The following NKAIN2 variants were observed in gnomAD, a reference collection of about 807,000 sequenced individuals.
NKAIN2 encodes the protein sodium/potassium-transporting ATPase subunit beta-1-interacting protein 2.
In NKAIN2, 14 loss-of-function variants were observed where a neutral mutation model predicts 32.6. That is an observed-to-expected ratio of 0.43 (90% CI 0.28 to 0.67). The LOEUF is 0.67. Ranked by LOEUF, NKAIN2 falls within the 30% of genes least tolerant of loss-of-function variation. NKAIN2 has a pLI of 0.17. For missense variants in NKAIN2, 198 were observed against 258.3 expected (o/e 0.77, Z 1.60); for synonymous variants, 80 against 87.2 (o/e 0.92, Z 0.46).
chr6:124,727,455 C>T (rs1244809325), intron 4 of NKAIN2, among the ~76,000 whole-genome samples: 3 of 149,626 alleles, frequency 2.0e-5, no homozygotes, highest in Admixed American at 1.3e-4. Flanking sequence ...TCCAGCCAAA[C>T]TAAGCTTCAT....
intron 4 of NKAIN2, among the ~76,000 whole-genome samples, chr6:124,727,870 A>C (rs575688962): frequency 0.055 from 8,178 of 148,870 alleles, 295 homozygotes; most frequent in Middle Eastern, 0.076. Flanking sequence ...AAGATCTACC[A>C]AGCAAACGGA....
intron 3 of NKAIN2, among the ~76,000 whole-genome samples, chr6:124,530,466 T>C (rs947589850): frequency 2.0e-5 from 3 of 152,020 alleles, no homozygotes; most frequent in Non-Finnish European, 2.9e-5. Flanking sequence ...GTAGAGCAGG[T>C]AGAATGGGAG....
At chr6:124,323,603 C>T (rs1034317435) in intron 2 of NKAIN2, among the ~76,000 whole-genome samples, 10 of 151,998 alleles carry the variant, frequency 6.6e-5, no homozygotes, top group Admixed American at 6.6e-5. Context: ...TAGGCATGTT[C>T]GTGTGGGGCA....
intron 4 of NKAIN2, among the ~76,000 whole-genome samples, chr6:124,681,258 T>G (rs2114504578): frequency 6.6e-6 from 1 of 152,170 alleles, no homozygotes; most frequent in Non-Finnish European, 1.5e-5. Context: ...TAATTTCAAG[T>G]CCACCTATAA....
Position 124,556,565 on chromosome 6 carries a change from C to T in NKAIN2, c.274-101621C>T, listed in dbSNP as rs149314674. 2.8e-3 allele frequency among the ~76,000 whole-genome samples: 427 copies of T among 152,266 alleles called. 1 individual carries two copies. Among genetic ancestry groups the T allele is most frequent in the African/African-American group, 0.01 (417 of 41,552 alleles). ...GCCTTCCACCATTGGATGATGCTCA[C>T]TAGATGCTGGCACCATGCTCTCAGA... is the stretch of plus-strand genomic sequence containing the variant. On this transcript the variant is annotated intron_variant, in intron 3 of 6. Transcript: ENST00000368417.
At chr6:124,674,329 G>A (rs539790456) in intron 4 of NKAIN2, among the ~76,000 whole-genome samples, 11 of 151,964 alleles carry the variant, frequency 7.2e-5, no homozygotes, top group African/African-American at 2.4e-4. Flanking sequence ...TCTCAAGATT[G>A]TTTGGGCTGT....
At chr6:124,232,762 A>C (rs1042200194) in intron 1 of NKAIN2, among the ~76,000 whole-genome samples, 44 of 149,078 alleles carry the variant, frequency 3.0e-4, no homozygotes, top group African/African-American at 1.0e-3. Context: ...GAAAAAAAAA[A>C]TGATCTTGGT....
chr6:124,045,770 TA>T (rs1782092553), intron 1 of NKAIN2, among the ~76,000 whole-genome samples: 1 of 152,032 alleles, frequency 6.6e-6, no homozygotes, highest in Admixed American at 6.6e-5. Context: ...ATTATGGCTT[TA>T]AAAGGTTACT....
At chr6:124,229,306 C>T (rs1792298120) in intron 1 of NKAIN2, among the ~76,000 whole-genome samples, 1 of 152,028 alleles carries the variant, frequency 6.6e-6, no homozygotes, top group Non-Finnish European at 1.5e-5. Flanking sequence ...TAGTTTCAAA[C>T]AAATTAAAGA....
In NKAIN2 at chr6:124,491,158, G is replaced by A. The variant is rs1777848072; in HGVS notation, c.273+135811G>A. Among the ~76,000 whole-genome samples the A allele has an allele frequency of 4.6e-5, 7 of 151,994 alleles. No homozygotes were observed. In the South Asian group the frequency reaches 1.5e-3, roughly 32 times the overall value. The stretch of plus-strand genomic sequence containing the variant: ...AAGCACTTGCTAAGTGCTAGCACAT[G>A]TGCCATCTATTCATTGTTTTAAATA... On this transcript the variant is annotated intron_variant, in intron 3 of 6. Transcript: ENST00000368417.
At position 124,715,456 on chromosome 6, in the gene NKAIN2, G is replaced by T. The variant is rs370971040; in HGVS notation, c.474+57070G>T. Among the ~76,000 whole-genome samples the T allele has an allele frequency of 1.3e-4, 20 of 152,194 alleles. No individual in the cohort carries two copies. The East Asian group carries it at 1.9e-3, about 15-fold the overall frequency. On this transcript the variant is annotated intron_variant, in intron 4 of 6. Transcript: ENST00000368417. ...AGAACTAGACTTAGCCTTGAGCTCTGCTCCGTGAGCCACTCTCCCCTGAGC... is the reference window on the plus strand; with the variant it reads ...AGAACTAGACTTAGCCTTGAGCTCTTCTCCGTGAGCCACTCTCCCCTGAGC...
intron 1 of NKAIN2, among the ~76,000 whole-genome samples, chr6:124,102,137 A>C (rs903288887): frequency 2.6e-5 from 4 of 152,236 alleles, no homozygotes; most frequent in African/African-American, 7.2e-5. Context: ...AGAATGTAAC[A>C]GTCTCTTAGT....
chr6:124,330,054 T>C (rs2626129), intron 2 of NKAIN2, among the ~76,000 whole-genome samples: 46,573 of 152,146 alleles, frequency 0.31, 9,272 homozygotes, highest in African/African-American at 0.57. Context: ...TAGCACCATT[T>C]TGGGGATTGA....
At chr6:124,380,170 G>A (rs753033976) in intron 3 of NKAIN2, among the ~76,000 whole-genome samples, 3 of 152,234 alleles carry the variant, frequency 2.0e-5, no homozygotes, top group South Asian at 2.1e-4. Flanking sequence ...ATTCAGTAAC[G>A]CAGCAGTATT....
At chr6:124,476,269 G>T (rs1777208188) in intron 3 of NKAIN2, among the ~76,000 whole-genome samples, 1 of 151,894 alleles carries the variant, frequency 6.6e-6, no homozygotes, top group South Asian at 2.1e-4. Context: ...GCTGTGTTTT[G>T]CCTATCATCT....
intron 4 of NKAIN2, among the ~76,000 whole-genome samples, chr6:124,721,539 G>A (rs1306137375): frequency 6.6e-6 from 1 of 152,124 alleles, no homozygotes; most frequent in African/African-American, 2.4e-5. Context: ...AGTTTTACTT[G>A]TGAATTACAA....
intron 1 of NKAIN2, among the ~76,000 whole-genome samples, chr6:124,026,883 C>T (rs2114774485): frequency 6.6e-6 from 1 of 152,280 alleles, no homozygotes; most frequent in African/African-American, 2.4e-5. Flanking sequence ...TTCACTTTCA[C>T]TATTCAACAC....
At chr6:124,258,872 A>G (rs1794083905) in intron 1 of NKAIN2, among the ~76,000 whole-genome samples, 1 of 152,168 alleles carries the variant, frequency 6.6e-6, no homozygotes, top group Non-Finnish European at 1.5e-5. Flanking sequence ...TAGTCTTGTC[A>G]TGGTTCCATT....
chr6:124,016,039 A>G (rs1274690332), intron 1 of NKAIN2, among the ~76,000 whole-genome samples: 2 of 152,164 alleles, frequency 1.3e-5, no homozygotes, highest in Non-Finnish European at 2.9e-5. Context: ...TAATTCTTCA[A>G]AAGTATTTAG....
Sources: allele counts gnomAD v4.1 joint callset (sites outside exome capture counted in the v4.1 genomes callset), GRCh38; gene constraint gnomAD v4.1.1; transcripts MANE v1.5; gene names NCBI Gene and HGNC (gene_info 2026-07-23, HGNC 2026-07-21).